The following PSIP1 variants were observed in gnomAD, a reference collection of about 807,000 sequenced individuals.
PSIP1 encodes PC4 and SRSF1 interacting protein 1, also known as PC4 and SFRS1-interacting protein.
Under a neutral mutation model 74.7 loss-of-function variants are expected in PSIP1, and 19 were observed. The observed-to-expected ratio is 0.25, with a 90% CI of 0.18 to 0.37. PSIP1 has a LOEUF of 0.37. PSIP1 is among the 10% of genes least tolerant of loss of function. The pLI is 1.00. For synonymous variants in PSIP1, 222 were observed against 195.3 expected, an observed-to-expected ratio of 1.14 and a Z score of -1.14; for missense variants, 601 against 614.3, an observed-to-expected ratio of 0.98 and a Z score of 0.23.
intron 2 of PSIP1, 126 bp from the exon 3 acceptor site, chr9:15,506,763 A>G: frequency 1.6e-6 from 1 of 639,820 alleles, no homozygotes; most frequent in Admixed American, 3.2e-5. Context: ...GCAGGCCCAT[A>G]ATCTCCTATC....
chr9:15,492,979 C>T (rs2036905602), intron 3 of PSIP1, among the ~76,000 whole-genome samples: 2 of 152,186 alleles, frequency 1.3e-5, no homozygotes, highest in South Asian at 4.1e-4. Flanking sequence ...CCTCCTAGGC[C>T]TCTCGTCCTA....
chr9:15,498,475 T>C (rs913757123), intron 3 of PSIP1, among the ~76,000 whole-genome samples: 6 of 151,692 alleles, frequency 4.0e-5, no homozygotes, highest in Non-Finnish European at 7.4e-5. Flanking sequence ...GATGAACTCT[T>C]AATGAGACTC....
At chr9:15,473,941 A>G (rs2035962039) in intron 9 of PSIP1, 68 bp downstream of exon 9, 16 of 1,148,392 alleles carry the variant, frequency 1.4e-5, no homozygotes, top group Non-Finnish European at 1.7e-5. Context: ...AAAAAAACAA[A>G]GAAAAAACAA....
At chr9:15,468,517 T>C (rs1324262787) in intron 14 of PSIP1, 113 bp downstream of exon 14, 3 of 1,210,094 alleles carry the variant, frequency 2.5e-6, no homozygotes, top group Non-Finnish European at 3.7e-6. Flanking sequence ...TGCCTTTGTA[T>C]ACTTTTTCTG....
chr9:15,487,127 G>A (rs572505998), intron 4 of PSIP1, among the ~76,000 whole-genome samples, 196 bp from the exon 5 acceptor site: 1 of 151,068 alleles, frequency 6.6e-6, no homozygotes, highest in Admixed American at 6.6e-5. Flanking sequence ...CTGAGCCCAG[G>A]AGGTCGAGGC....
rs1048391956 is a variant in PSIP1, at chr9:15,478,620, A to T, written c.554-68T>A. The T allele has an allele frequency of 2.9e-6, 3 of 1,052,536 alleles. No homozygotes were observed. The African/African-American group carries it at 4.7e-5, about 17-fold the overall frequency. 65.2% of individuals were successfully genotyped at this position (1,052,536 alleles called of 1,614,324 possible). ...ATTTAAGATACAAATCTCAGATATA[A>T]ATATTAGAAATGATACATACTATTT... On this transcript the variant is annotated intron_variant, in intron 7 of 15. Coordinates refer to ENST00000380733, the MANE Select transcript of PSIP1 (RefSeq NM_033222.5).
chr9:15,504,241 T>C (rs918382423), intron 3 of PSIP1, among the ~76,000 whole-genome samples: 1 of 152,210 alleles, frequency 6.6e-6, no homozygotes. Flanking sequence ...ATATCCTAAA[T>C]TCTTGAATAT....
At chr9:15,505,399 T>C (rs773958809) in intron 3 of PSIP1, 1 of 152,224 alleles carries the variant, frequency 6.6e-6, no homozygotes, top group Admixed American at 6.5e-5. Flanking sequence ...AAGTATCCCA[T>C]GGAATCAGAA....
Position 15,485,998 on chromosome 9 carries a change from G to T in PSIP1, c.456+8C>A. 1 of 1,598,066 alleles carries T rather than the reference G, an allele frequency of 6.3e-7. No individual in the cohort carries two copies. The highest frequency in any genetic ancestry group is 8.6e-7 in the Non-Finnish European group (1 of 1,166,516). ...AGATCCCCATGGTTGGTAAGTCAGT[G>T]AAATTACCTTTCTCTTTCTCCCCCT... On this transcript the variant is annotated splice_region_variant and intron_variant, in intron 6 of 15. Transcript: ENST00000380733.
chr9:15,470,432 T>C (rs1412006132), intron 10 of PSIP1, among the ~76,000 whole-genome samples: 2 of 152,092 alleles, frequency 1.3e-5, no homozygotes, highest in Admixed American at 6.5e-5. Context: ...GATAACACTG[T>C]TTTTAAAATT....
intron 3 of PSIP1, among the ~76,000 whole-genome samples, chr9:15,500,954 C>A (rs1307485402): frequency 1.3e-5 from 2 of 152,164 alleles, no homozygotes; most frequent in African/African-American, 2.4e-5. Flanking sequence ...TAAATCCCCA[C>A]AACTCTTGTT....
At chr9:15,494,565 CAAAAAAAAAAAA>C (rs57170853) in intron 3 of PSIP1, among the ~76,000 whole-genome samples, 6 of 37,530 alleles carry the variant, frequency 1.6e-4, no homozygotes, top group Admixed American at 4.9e-4. Flanking sequence ...AACTGCATCT[CAAAAAAAAAAAA>C]AAAAAAAAAA....
intron 10 of PSIP1, chr9:15,472,371 A>T: frequency 7.9e-7 from 1 of 1,264,964 alleles, no homozygotes; most frequent in East Asian, 3.8e-5. Context: ...TTGCAAAGCC[A>T]GTATCAATTA....
chr9:15,473,536 A>G (rs922222208), intron 9 of PSIP1, among the ~76,000 whole-genome samples: 6 of 152,238 alleles, frequency 3.9e-5, no homozygotes, highest in Admixed American at 1.3e-4. Context: ...AAAAAGGTAA[A>G]CAAATTCATT....
chr9:15,465,560 T>A lies in PSIP1; in HGVS notation c.1553A>T (p.Glu518Val). The A allele has an allele frequency of 6.3e-7, 1 of 1,586,138 alleles. No homozygotes were observed. The highest frequency in any genetic ancestry group is 8.6e-7 in the Non-Finnish European group (1 of 1,157,670). ...AGAATCCTTCAGAGATATTTCAGTC[T>A]CTCTCTCTTCACTGGATGGCCTGAA... ...TKKKPSSEERETEISLKDSTL... is the reference protein window; with the variant it reads ...TKKKPSSEERVTEISLKDSTL... Residue 518 changes from glutamate (E) to valine (V), a missense_variant, in exon 16 of 16, where the codon GAG becomes GTG. Transcript: ENST00000380733.
intron 9 of PSIP1, among the ~76,000 whole-genome samples, chr9:15,473,344 T>C (rs1279376455): frequency 6.6e-6 from 1 of 152,202 alleles, no homozygotes; most frequent in Non-Finnish European, 1.5e-5. Context: ...TCCACCTCTT[T>C]TAACATTTGT....
chr9:15,473,461 TAG>T (rs2035930298), intron 9 of PSIP1, among the ~76,000 whole-genome samples: 1 of 152,212 alleles, frequency 6.6e-6, no homozygotes, highest in East Asian at 1.9e-4. Flanking sequence ...TAGATGAATT[TAG>T]AGAACAGATA....
chr9:15,499,334 C>G (rs757454178), intron 3 of PSIP1, among the ~76,000 whole-genome samples: 2 of 152,146 alleles, frequency 1.3e-5, no homozygotes, highest in Non-Finnish European at 2.9e-5. Flanking sequence ...TCTAAGAAAA[C>G]AGGAAATCAT....
In PSIP1 at chr9:15,508,095, TAA is replaced by T. The variant is rs1262148140; in HGVS notation, c.73-1460_73-1459del. On this transcript the variant is annotated intron_variant, in intron 2 of 15. Transcript: ENST00000380733. ...CCTTTAGCAAATGCCGGGCAAAATT[TAA>T]GTTGATTTTTTAAATAATTATTACT... is the stretch of plus-strand genomic sequence containing the variant. Among the ~76,000 whole-genome samples, 6 of 152,226 alleles carry T rather than the reference TAA, an allele frequency of 3.9e-5. No individual in the cohort carries two copies. The East Asian group carries it at 1.2e-3, about 29-fold the overall frequency.
Sources: gnomAD v4.1 joint callset for allele counts (sites outside exome capture counted in the v4.1 genomes callset) on GRCh38, gnomAD v4.1.1 for gene constraint, MANE v1.5 for transcripts, NCBI Gene and HGNC (gene_info 2026-07-23, HGNC 2026-07-21) for gene names.